The following PSD3 variants were observed in gnomAD, a reference collection of about 807,000 sequenced individuals.
PSD3 encodes the protein pleckstrin and Sec7 domain containing 3, also known as PH and SEC7 domain-containing protein 3.
A neutral mutation model predicts 105.5 loss-of-function variants in PSD3; 49 were observed. The observed-to-expected ratio is 0.46, with a 90% CI of 0.37 to 0.59. PSD3 has a LOEUF of 0.59. PSD3 is among the 20% of genes least tolerant of loss of function. The pLI, the probability that PSD3 is intolerant of heterozygous loss-of-function variation, is 0.00. For synonymous variants in PSD3, 557 were observed against 457.8 expected (o/e 1.22, Z -2.77); for missense variants, 1,561 against 1,263.8 (o/e 1.24, Z -3.57).
chr8:18,645,532 A>T (rs1216123906), intron 10 of PSD3, among the ~76,000 whole-genome samples: 1 of 152,178 alleles, frequency 6.6e-6, no homozygotes, highest in Non-Finnish European at 1.5e-5. Context: ...TCCTTTACAT[A>T]ACCACTATAC....
At chr8:18,668,326 G>C (rs1799598910) in intron 9 of PSD3, among the ~76,000 whole-genome samples, 1 of 152,230 alleles carries the variant, frequency 6.6e-6, no homozygotes, top group Non-Finnish European at 1.5e-5. Flanking sequence ...TTGATTTATA[G>C]ACAAACTTCT....
intron 10 of PSD3, among the ~76,000 whole-genome samples, chr8:18,639,494 T>C (rs943903399): frequency 1.3e-5 from 2 of 152,166 alleles, no homozygotes; most frequent in Non-Finnish European, 2.9e-5. Flanking sequence ...ACTTCCAGCA[T>C]TTAGGAATAT....
At chr8:18,954,957 A>C (rs1259218791) in intron 1 of PSD3, among the ~76,000 whole-genome samples, 1 of 152,240 alleles carries the variant, frequency 6.6e-6, no homozygotes, top group Non-Finnish European at 1.5e-5. Context: ...CCAAAAAAAG[A>C]GATAACATCA....
chr8:18,875,589 T>C (rs1285299579), intron 2 of PSD3, among the ~76,000 whole-genome samples: 3 of 151,828 alleles, frequency 2.0e-5, no homozygotes, highest in Admixed American at 6.6e-5. Context: ...CAGGCTGGAG[T>C]GCAGTGGCGC....
chr8:18,564,102 TTTC>T (rs540676722), intron 14 of PSD3, among the ~76,000 whole-genome samples: 124 of 122,346 alleles, frequency 1.0e-3, no homozygotes, highest in Middle Eastern at 4.2e-3. Flanking sequence ...AATTTAAAGT[TTTC>T]TTCTTCTTTT....
chr8:18,697,380 A>C (rs553065547), intron 9 of PSD3, among the ~76,000 whole-genome samples: 3 of 152,326 alleles, frequency 2.0e-5, no homozygotes, highest in African/African-American at 7.2e-5. Flanking sequence ...CTGACAAGTG[A>C]TAAGACTCAA....
chr8:18,781,573 C>A (rs1449756736), intron 8 of PSD3, among the ~76,000 whole-genome samples: 1 of 152,132 alleles, frequency 6.6e-6, no homozygotes, highest in Non-Finnish European at 1.5e-5. Flanking sequence ...AAGAAATTTG[C>A]TATTAGTGTG....
At chr8:18,726,233 G>C (rs1414543597) in intron 9 of PSD3, among the ~76,000 whole-genome samples, 1 of 152,138 alleles carries the variant, frequency 6.6e-6, no homozygotes, top group Non-Finnish European at 1.5e-5. Context: ...ATTTATTGTA[G>C]ACCAGCCTAC....
intron 11 of PSD3, among the ~76,000 whole-genome samples, chr8:18,602,174 C>T (rs1402892619): frequency 6.6e-6 from 1 of 150,732 alleles, no homozygotes; most frequent in Admixed American, 6.6e-5. Flanking sequence ...AATTTATTGG[C>T]ATCTTGCGAT....
intron 4 of PSD3, chr8:18,854,515 G>T (rs546512887): frequency 6.6e-6 from 1 of 152,178 alleles, no homozygotes; most frequent in Non-Finnish European, 1.5e-5. Flanking sequence ...AGTGGTTGCC[G>T]TTTAAGGGAA....
At chr8:18,812,588 G>T (rs1811787786) in intron 4 of PSD3, among the ~76,000 whole-genome samples, 1 of 152,118 alleles carries the variant, frequency 6.6e-6, no homozygotes, top group South Asian at 2.1e-4. Flanking sequence ...AGGGCTGAGA[G>T]AATAGTAGTT....
intron 11 of PSD3, among the ~76,000 whole-genome samples, chr8:18,628,576 G>A (rs1276084257): frequency 2.6e-5 from 4 of 151,772 alleles, no homozygotes; most frequent in Admixed American, 1.3e-4. Flanking sequence ...TTATGTGGGG[G>A]TAAAAGTAAA....
intron 12 of PSD3, among the ~76,000 whole-genome samples, chr8:18,593,830 T>G (rs1803798351): frequency 6.6e-6 from 1 of 151,538 alleles, no homozygotes; most frequent in Non-Finnish European, 1.5e-5. Context: ...TGTAGGGACA[T>G]GGATGAAGCT....
At chr8:18,956,174 G>C (rs947630582) in intron 1 of PSD3, among the ~76,000 whole-genome samples, 8 of 152,190 alleles carry the variant, frequency 5.3e-5, no homozygotes, top group Non-Finnish European at 8.8e-5. Flanking sequence ...CAGATCACTG[G>C]AGAAGTGTAA....
At chr8:18,793,095 T>G (rs1030401410) in intron 8 of PSD3, among the ~76,000 whole-genome samples, 1 of 152,096 alleles carries the variant, frequency 6.6e-6, no homozygotes, top group Non-Finnish European at 1.5e-5. Flanking sequence ...AAACACCGCA[T>G]GTTCTCACTC....
At chr8:18,824,837 G>A (rs552318031) in intron 4 of PSD3, among the ~76,000 whole-genome samples, 76 of 152,224 alleles carry the variant, frequency 5.0e-4, no homozygotes, top group African/African-American at 1.7e-3. Context: ...TTCAGCCAGC[G>A]TGCCAGGGCA....
intron 8 of PSD3, among the ~76,000 whole-genome samples, chr8:18,777,274 C>G (rs1353665817): frequency 1.3e-5 from 2 of 152,186 alleles, no homozygotes; most frequent in African/African-American, 4.8e-5. Context: ...ATCTCCTGAC[C>G]TCCTGATCCA....
At chr8:18,770,656 C>T (rs1051769818) in intron 8 of PSD3, among the ~76,000 whole-genome samples, 1 of 152,218 alleles carries the variant, frequency 6.6e-6, no homozygotes, top group Non-Finnish European at 1.5e-5. Context: ...GGTCCCGCAG[C>T]AACATCTGGG....
chr8:18,906,700 T>C (rs1210538915), intron 2 of PSD3, among the ~76,000 whole-genome samples: 1 of 152,224 alleles, frequency 6.6e-6, no homozygotes, highest in Non-Finnish European at 1.5e-5. Context: ...GTAATTGTAG[T>C]GTCTATTTAA....
Sources: gnomAD v4.1 joint callset for allele counts (sites outside exome capture counted in the v4.1 genomes callset) on GRCh38, gnomAD v4.1.1 for gene constraint, MANE v1.5 for transcripts, NCBI Gene and HGNC (gene_info 2026-07-23, HGNC 2026-07-21) for gene names.